Variants in NOC3L observed in about 807,000 individuals in gnomAD.
NOC3L encodes the protein nucleolar complex protein 3 homolog.
A neutral mutation model predicts 102.5 loss-of-function variants in NOC3L; 85 were observed. The ratio of observed to expected loss-of-function variants is 0.83; its 90% confidence interval spans 0.70 to 0.99. The LOEUF (loss-of-function observed/expected upper bound fraction) is 0.99. NOC3L is among the 50% of genes least tolerant of loss of function. The probability of loss-of-function intolerance (pLI) is 0.00; values close to 1 mark genes in which losing one functional copy is unlikely to be tolerated. For synonymous variants in NOC3L, 303 were observed against 309.4 expected (o/e 0.98, Z 0.22); for missense variants, 878 against 914.9 (o/e 0.96, Z 0.52).
At chr10:94,351,546 G>A (rs1238097189) in intron 8 of NOC3L, among the ~76,000 whole-genome samples, 1 of 151,850 alleles carries the variant, frequency 6.6e-6, no homozygotes, top group Non-Finnish European at 1.5e-5. Flanking sequence ...CATTTCTTTT[G>A]AGACAGGGTC....
downstream of NOC3L, chr10:94,333,215 T>C (rs999194431): frequency 1.3e-5 from 2 of 151,960 alleles, no homozygotes; most frequent in African/African-American, 2.4e-5. Flanking sequence ...AAAATTATCA[T>C]ATCACAAGAA....
chr10:94,360,661 C>T (rs2054542400), intron 2 of NOC3L, among the ~76,000 whole-genome samples: 1 of 151,802 alleles, frequency 6.6e-6, no homozygotes, highest in African/African-American at 2.4e-5. Flanking sequence ...CTATAGTCAA[C>T]AATAATTTAT....
At chr10:94,329,376 C>T (rs774540054), downstream of NOC3L, 1 of 152,138 alleles carries the variant, frequency 6.6e-6, no homozygotes, top group Non-Finnish European at 1.5e-5. Context: ...CTTCAAATTA[C>T]AAAACACTAA....
At chr10:94,353,599 A>C (rs903602693) in intron 6 of NOC3L, among the ~76,000 whole-genome samples, 2 of 152,202 alleles carry the variant, frequency 1.3e-5, no homozygotes, top group Non-Finnish European at 2.9e-5. Flanking sequence ...ATCAGAGGTC[A>C]CATTTCAACA....
At chr10:94,354,895 G>A in intron 6 of NOC3L, 68 bp downstream of exon 6, 1 of 1,488,350 alleles carries the variant, frequency 6.7e-7, no homozygotes, top group Non-Finnish European at 9.2e-7. Flanking sequence ...GGTAACAAGG[G>A]AATCTTAACA....
rs1377142103 is a variant in NOC3L at position 94,350,284 on chromosome 10, C to T, written c.957G>A (p.Trp319Ter). ...LENLEQMVKD[W>*]KQRKLKKSNV... ...TACTTTTCTTCAGCTTCCTCTGCTT[C>T]CAATCTAATCAAAAGATAACTGTAG... The change falls in exon 9 of 21, where the codon TGG becomes TGA. Residue 319 changes from tryptophan (W) to a stop codon, truncating the protein, a stop_gained. Transcript: ENST00000371361. LOFTEE classifies it high-confidence loss of function. The T allele has an allele frequency of 6.2e-7, 1 of 1,613,854 alleles. No homozygotes were observed.
chr10:94,328,659 C>CT (rs2133958988), downstream of NOC3L: 1 of 152,274 alleles, frequency 6.6e-6, no homozygotes, highest in East Asian at 1.9e-4. Flanking sequence ...AGCTTTGGGG[C>CT]ATTTCAAGTG....
the NOC3L span, among the ~76,000 whole-genome samples, chr10:94,324,045 G>A: frequency 6.6e-6 from 1 of 152,096 alleles, no homozygotes; most frequent in East Asian, 1.9e-4. Context: ...GACCTTTATT[G>A]TTACTATTAT....
chr10:94,316,820 C>T, the NOC3L span: 1 of 1,175,836 alleles, frequency 8.5e-7, no homozygotes, highest in Non-Finnish European at 1.3e-6. Flanking sequence ...ATTTACCACT[C>T]ACAACCTCCC....
At chr10:94,319,781 T>C in the NOC3L span, among the ~76,000 whole-genome samples, 1 of 152,040 alleles carries the variant, frequency 6.6e-6, no homozygotes, top group Admixed American at 6.6e-5. Flanking sequence ...AGGGCTATTG[T>C]TATTTTGTTC....
Position 94,334,670 on chromosome 10 carries a change from G to GA in NOC3L, c.2237dup (p.Asn747GlnfsTer5). On this transcript the variant is annotated frameshift_variant, in exon 20 of 21. Transcript: ENST00000371361. LOFTEE classifies it high-confidence loss of function. Reference sequence around the variant, plus strand: ...GGTTTGAAGATTCAACAGGAGGATTGAATGTCATTTCTGCCATGCTATATG... The same window carrying GA: ...GGTTTGAAGATTCAACAGGAGGATTGAAATGTCATTTCTGCCATGCTATATG... 6.2e-7 allele frequency: 1 copy of GA among 1,613,170 alleles called. No individual in the cohort carries two copies. The highest frequency in any genetic ancestry group is 8.5e-7 in the Non-Finnish European group (1 of 1,179,722).
the NOC3L span, among the ~76,000 whole-genome samples, chr10:94,315,757 G>A: frequency 8.1e-6 from 1 of 124,166 alleles, no homozygotes; most frequent in East Asian, 2.4e-4. Flanking sequence ...GCGACAGAGG[G>A]AGACTCTGTC....
the NOC3L span, among the ~76,000 whole-genome samples, chr10:94,321,159 A>G: frequency 6.6e-6 from 1 of 152,150 alleles, no homozygotes; most frequent in African/African-American, 2.4e-5. Context: ...TGTTCACCCA[A>G]CCTGTCAATT....
chr10:94,322,265 G>GC, the NOC3L span, among the ~76,000 whole-genome samples: 2 of 151,736 alleles, frequency 1.3e-5, no homozygotes, highest in Non-Finnish European at 2.9e-5. Flanking sequence ...GAGGCAGGAG[G>GC]ATTACTTGAG....
Position 94,353,020 on chromosome 10 carries a change from T to G in NOC3L, c.734A>C (p.Glu245Ala), listed in dbSNP as rs1443036844. Residue 245 changes from glutamate (E) to alanine (A), a missense_variant, in exon 7 of 21, where the codon GAA (glutamate) becomes GCA (alanine). Physicochemically the swap from Glu to Ala is moderately radical, Grantham distance 107. Coordinates refer to ENST00000371361, the MANE Select transcript of NOC3L (RefSeq NM_022451.11). The part of the protein sequence containing the change: ...KLKELRSMLM[E>A]QDPDVAVTVR... Reference sequence around the variant, plus strand: ...AGTAACAGCCACATCAGGATCTTGTTCCATCAACATAGAACGTAATTCTTT... The same window carrying G: ...AGTAACAGCCACATCAGGATCTTGTGCCATCAACATAGAACGTAATTCTTT... The G allele has an allele frequency of 6.2e-7, 1 of 1,612,842 alleles. No homozygotes were observed. The highest frequency in any genetic ancestry group is 1.7e-5 in the Admixed American group (1 of 59,760).
In NOC3L at chr10:94,344,835, GA is replaced by G. The variant is rs752728148; in HGVS notation, c.1470+17del. 10 of 1,554,256 alleles carry G rather than the reference GA, an allele frequency of 6.4e-6. No individual in the cohort carries two copies. Among genetic ancestry groups the G allele is most frequent in the Admixed American group, 5.8e-5 (3 of 52,042 alleles). ...CTTAACGCATTTTAAAAGCATAACA[GA>G]ATATGAAACTGCCTACCAGTTTAAG... On this transcript the variant is annotated intron_variant, in intron 12 of 20. Transcript: ENST00000371361.
chr10:94,359,297 A>G (rs939083974), intron 2 of NOC3L, among the ~76,000 whole-genome samples: 1 of 152,148 alleles, frequency 6.6e-6, no homozygotes. Flanking sequence ...GTGGTGGCAC[A>G]TGCCTGTAAT....
the NOC3L span, among the ~76,000 whole-genome samples, chr10:94,327,259 A>G: frequency 6.6e-6 from 1 of 152,146 alleles, no homozygotes; most frequent in Admixed American, 6.5e-5. Context: ...TTTTCAAGAA[A>G]GAGCACTTGT....
the NOC3L span, among the ~76,000 whole-genome samples, chr10:94,317,547 T>C: frequency 6.6e-6 from 1 of 152,176 alleles, no homozygotes; most frequent in Non-Finnish European, 1.5e-5. Context: ...AATAATAATA[T>C]TTCTTTGAAA....
Sources: gnomAD v4.1 joint callset for allele counts (sites outside exome capture counted in the v4.1 genomes callset) on GRCh38, gnomAD v4.1.1 for gene constraint, MANE v1.5 for transcripts, NCBI Gene and HGNC (gene_info 2026-07-23, HGNC 2026-07-21) for gene names.